Variants in HMSD observed in about 807,000 individuals in gnomAD.
HMSD encodes serpin-like protein HMSD.
Under a neutral mutation model 10.0 loss-of-function variants are expected in HMSD, and 13 were observed. The observed-to-expected ratio is 1.31, with a 90% confidence interval of 0.85 to 2.08. The LOEUF (loss-of-function observed/expected upper bound fraction) is 2.08, where lower values mean the gene tolerates loss of function less well. Ranked by LOEUF, HMSD falls within the 30% of genes most tolerant of loss-of-function variation. The probability of loss-of-function intolerance (pLI) is 0.00; values close to 1 mark genes in which losing one functional copy is unlikely to be tolerated. For missense variants in HMSD, 169 were observed against 166.3 expected (o/e 1.02, Z -0.09); for synonymous variants, 51 against 54.2 (o/e 0.94, Z 0.26).
chr18:63,965,569 A>C (rs185701553), downstream of HMSD, among the ~76,000 whole-genome samples: 1 of 152,206 alleles, frequency 6.6e-6, no homozygotes, highest in African/African-American at 2.4e-5. Context: ...TTGAAATACA[A>C]TACCAGGCAT....
downstream of HMSD, among the ~76,000 whole-genome samples, chr18:63,963,203 G>GCTTC (rs200514435): frequency 5.1e-4 from 51 of 99,394 alleles, no homozygotes; most frequent in Non-Finnish European, 5.4e-4. Context: ...TTCCTTCCTT[G>GCTTC]CTTCCTTCCT....
At chr18:63,949,668 G>C (rs115816354) in intron 1 of HMSD, among the ~76,000 whole-genome samples, 65 of 152,102 alleles carry the variant, frequency 4.3e-4, no homozygotes, top group Non-Finnish European at 8.7e-4. Context: ...GCGGAGCTGG[G>C]GGGTGAAAGT....
chr18:63,960,498 T>A lies in HMSD; in HGVS notation c.*143T>A, dbSNP rs1321120133. On this transcript the variant is annotated 3_prime_UTR_variant, in exon 4 of 4. Coordinates refer to ENST00000408945, the MANE Select transcript of HMSD (RefSeq NM_001123366.2). ...TGTCTCTCTAGATGAAATAATCTCT[T>A]CCAGGTTTTTTTGCTTGTTAATATT... The A allele has an allele frequency of 7.1e-6, 9 of 1,260,558 alleles. No homozygotes were observed. Among genetic ancestry groups the A allele is most frequent in the Non-Finnish European group, 9.4e-6 (9 of 957,388 alleles). The allele number at this position is 1,260,558 out of a possible 1,614,324, so 78.1% of individuals were successfully genotyped here. A position where few individuals can be genotyped will look rare whatever the true frequency, so the allele number is the denominator to read the frequency against.
At chr18:63,966,413 G>A (rs1000236114), downstream of HMSD, 12 of 152,216 alleles carry the variant, frequency 7.9e-5, no homozygotes, top group African/African-American at 2.9e-4. Flanking sequence ...AGTGGTGGGA[G>A]AACTGAAAAG....
chr18:63,952,958 A>T (rs1458849726), intron 1 of HMSD, among the ~76,000 whole-genome samples: 1 of 152,162 alleles, frequency 6.6e-6, no homozygotes, highest in Non-Finnish European at 1.5e-5. Context: ...TACAAATTTC[A>T]TGTTTTAAGC....
downstream of HMSD, among the ~76,000 whole-genome samples, chr18:63,965,725 T>C (rs1020775549): frequency 1.1e-4 from 17 of 152,202 alleles, no homozygotes; most frequent in African/African-American, 3.9e-4. Context: ...TTAGTCTGTT[T>C]TGTGTTGCTA....
At chr18:63,966,010 T>C (rs2009989), downstream of HMSD, among the ~76,000 whole-genome samples, 44,693 of 152,034 alleles carry the variant, frequency 0.29, 7,665 homozygotes, top group African/African-American at 0.48. Context: ...AACCCACTCT[T>C]GGAGGAATTA....
At chr18:63,968,337 G>A (rs1405175895) in intron 3 of HMSD, 1 of 152,226 alleles carries the variant, frequency 6.6e-6, no homozygotes, top group Non-Finnish European at 1.5e-5. Context: ...TTTCCCCATA[G>A]TCCACAAGGG....
chr18:63,950,487 T>G (rs1290765568), intron 1 of HMSD, among the ~76,000 whole-genome samples: 1 of 149,742 alleles, frequency 6.7e-6, no homozygotes, highest in Non-Finnish European at 1.5e-5. Context: ...TCAATAATGT[T>G]TACAAGAAAT....
intron 3 of HMSD, among the ~76,000 whole-genome samples, chr18:63,957,336 T>C (rs1426590689): frequency 1.3e-5 from 2 of 152,104 alleles, no homozygotes; most frequent in African/African-American, 4.8e-5. Flanking sequence ...CTTTTGATTA[T>C]AAATGGGATT....
chr18:63,959,824 T>C (rs910696813), intron 3 of HMSD, among the ~76,000 whole-genome samples: 1 of 152,210 alleles, frequency 6.6e-6, no homozygotes, highest in East Asian at 1.9e-4. Flanking sequence ...TGGTCCACTA[T>C]TAGGTACTTA....
In HMSD at chr18:63,953,426, A is replaced by G. The variant is rs1257071749; in HGVS notation, c.-30A>G. 8.8e-6 allele frequency: 14 copies of G among 1,595,400 alleles called. No homozygotes were observed. Among genetic ancestry groups the G allele is most frequent in the African/African-American group, 1.3e-5 (1 of 74,654 alleles). On this transcript the variant is annotated 5_prime_UTR_variant, in exon 2 of 4. Transcript: ENST00000408945. Reference sequence around the variant, plus strand: ...TAAACCTTTTGAAAAAGCTAGGGGAAAACAACTCAAACAACTTATTTTTTT... The same window carrying G: ...TAAACCTTTTGAAAAAGCTAGGGGAGAACAACTCAAACAACTTATTTTTTT...
rs1007460692 is a variant in HMSD at position 63,953,549 on chromosome 18, C to T, written c.72+22C>T. 1.1e-5 allele frequency: 17 copies of T among 1,578,976 alleles called. No individual in the cohort carries two copies. In the Admixed American group the frequency reaches 2.8e-4, roughly 26 times the overall value. ...TCAGGTACGTAAAGCCACTTCAAGA[C>T]AACAATAAGTGCTATCAATTTATCA... On this transcript the variant is annotated intron_variant, in intron 2 of 3. Coordinates refer to ENST00000408945, the MANE Select transcript of HMSD (RefSeq NM_001123366.2).
chr18:63,967,387 G>A lies in HMSD; in HGVS notation n.312+7112G>A, dbSNP rs994755701. Among the ~76,000 whole-genome samples, 5 of 152,270 alleles carry A rather than the reference G, an allele frequency of 3.3e-5. No individual in the cohort carries two copies. The South Asian group carries it at 1.0e-3, about 32-fold the overall frequency. On this transcript the variant is annotated intron_variant and non_coding_transcript_variant, in intron 3 of 5. Transcript: ENST00000481726. ...GACCTCAGGTGATCCGCCCGCCTCG[G>A]CCTCCAAAAGTGCTGGGATTACAGG...
At chr18:63,969,019 G>A (rs888460925) in intron 3 of HMSD, among the ~76,000 whole-genome samples, 4 of 152,180 alleles carry the variant, frequency 2.6e-5, no homozygotes, top group Non-Finnish European at 5.9e-5. Flanking sequence ...TGCAGAGTGG[G>A]AATGTGCATC....
downstream of HMSD, among the ~76,000 whole-genome samples, chr18:63,963,470 C>G (rs559309237): frequency 6.6e-6 from 1 of 152,208 alleles, no homozygotes; most frequent in East Asian, 1.9e-4. Flanking sequence ...TCCTCGTGAT[C>G]CACCACCTCG....
At chr18:63,952,157 G>A (rs962012372) in intron 1 of HMSD, among the ~76,000 whole-genome samples, 1 of 112,748 alleles carries the variant, frequency 8.9e-6, no homozygotes, top group African/African-American at 3.3e-5. Flanking sequence ...GGGGAGGGGG[G>A]AGGGATAGCA....
chr18:63,953,563 A>G (rs2050342281), intron 2 of HMSD, 36 bp downstream of exon 2: 2 of 1,518,452 alleles, frequency 1.3e-6, no homozygotes, highest in Non-Finnish European at 1.8e-6. Context: ...AATAAGTGCT[A>G]TCAATTTATC....
At chr18:63,956,513 A>G (rs2050359347) in intron 3 of HMSD, among the ~76,000 whole-genome samples, 1 of 152,224 alleles carries the variant, frequency 6.6e-6, no homozygotes, top group Non-Finnish European at 1.5e-5. Flanking sequence ...AGAGAAATTC[A>G]AATCAAAACC....
Sources: allele counts gnomAD v4.1 joint callset (sites outside exome capture counted in the v4.1 genomes callset), GRCh38; gene constraint gnomAD v4.1.1; transcripts MANE v1.5; gene names NCBI Gene and HGNC (gene_info 2026-07-23, HGNC 2026-07-21).